PCDHA7: variants seen among roughly 807,000 people sequenced by gnomAD.
The protein encoded by PCDHA7 is protocadherin alpha-7.
A neutral mutation model predicts 57.2 loss-of-function variants in PCDHA7; 37 were observed. That is an observed-to-expected ratio of 0.65 (90% CI 0.50 to 0.85). The LOEUF (loss-of-function observed/expected upper bound fraction) is 0.85, where lower values mean the gene tolerates loss of function less well. Ranked by LOEUF, PCDHA7 falls within the 40% of genes least tolerant of loss-of-function variation. The probability of loss-of-function intolerance (pLI) is 0.00; values close to 1 mark genes in which losing one functional copy is unlikely to be tolerated. For synonymous variants in PCDHA7, 553 were observed against 558.8 expected, an observed-to-expected ratio of 0.99 and a Z score of 0.15; for missense variants, 1,188 against 1,241.8, an observed-to-expected ratio of 0.96 and a Z score of 0.65.
chr5:141,005,737 G>A (rs568489145), intron 3 of PCDHA7, among the ~76,000 whole-genome samples: 173 of 143,620 alleles, frequency 1.2e-3, no homozygotes, highest in African/African-American at 4.5e-3. Flanking sequence ...AAAAAGAATG[G>A]ATGAGAAATC....
At chr5:140,861,734 A>G in intron 1 of PCDHA7, 1 of 190,940 alleles carries the variant, frequency 5.2e-6, no homozygotes, top group Non-Finnish European at 1.1e-5. Flanking sequence ...GATGACTTAC[A>G]TACTGTGCCG....
chr5:140,842,310 T>C (rs2150333905), intron 1 of PCDHA7: 2 of 1,608,760 alleles, frequency 1.2e-6, no homozygotes, highest in Admixed American at 1.7e-5. Flanking sequence ...CATCCTCCCA[T>C]GGCGGGTCAT....
At chr5:140,843,361 G>T in intron 1 of PCDHA7, 1 of 1,596,046 alleles carries the variant, frequency 6.3e-7, no homozygotes, top group South Asian at 1.1e-5. Context: ...AAGCGTCATC[G>T]AGGCAGTCGG....
rs1160767102 is a variant in PCDHA7, at chr5:140,964,322, A to G, written c.2356-14627A>G. On this transcript the variant is annotated intron_variant, in intron 1 of 3. Coordinates refer to ENST00000525929, the MANE Select transcript of PCDHA7 (RefSeq NM_018910.3). ...TACCTACAAGGCCTAAAACAGCATA[A>G]TGGACAACCTGGCAGGTGTCCTTGC... Among the ~76,000 whole-genome samples the G allele has an allele frequency of 2.0e-5, 3 of 152,346 alleles. No individual in the cohort carries two copies. The East Asian group carries it at 5.8e-4, about 29-fold the overall frequency.
intron 1 of PCDHA7, chr5:140,877,884 C>T: frequency 6.8e-7 from 1 of 1,465,050 alleles, no homozygotes; most frequent in Non-Finnish European, 9.0e-7. Context: ...CCTTGAAGAA[C>T]TTCCGTTTAG....
intron 1 of PCDHA7, chr5:140,843,413 G>C: frequency 1.3e-6 from 2 of 1,596,100 alleles, no homozygotes; most frequent in South Asian, 1.1e-5. Context: ...GGATGTCAAC[G>C]TGTACCTGAT....
At chr5:140,874,161 A>G (rs1173333729) in intron 1 of PCDHA7, among the ~76,000 whole-genome samples, 1 of 152,042 alleles carries the variant, frequency 6.6e-6, no homozygotes, top group Non-Finnish European at 1.5e-5. Context: ...ATTCTTGGTT[A>G]CTCTTTCCTG....
chr5:140,978,036 C>T (rs1460377915), intron 1 of PCDHA7, among the ~76,000 whole-genome samples: 22 of 152,268 alleles, frequency 1.4e-4, no homozygotes, highest in Admixed American at 1.4e-3. Context: ...TGATACAAGA[C>T]AGTGATGGTG....
intron 1 of PCDHA7, chr5:140,968,847 A>G (rs781874732): frequency 8.7e-6 from 14 of 1,614,222 alleles, no homozygotes; most frequent in Middle Eastern, 1.6e-4. Context: ...ACTCAGAGGC[A>G]TGTTAAGAGC....
chr5:140,920,387 A>G (rs1163833842), intron 1 of PCDHA7, among the ~76,000 whole-genome samples: 3 of 152,098 alleles, frequency 2.0e-5, no homozygotes, highest in African/African-American at 7.2e-5. Context: ...TCATATTACC[A>G]TCTGGTGTCT....
At chr5:140,911,934 A>G (rs2075691303) in intron 1 of PCDHA7, among the ~76,000 whole-genome samples, 1 of 152,158 alleles carries the variant, frequency 6.6e-6, no homozygotes, top group East Asian at 1.9e-4. Flanking sequence ...AATAGGATAG[A>G]TGTATATATA....
intron 1 of PCDHA7, among the ~76,000 whole-genome samples, chr5:140,889,031 A>C (rs1234867332): frequency 6.6e-6 from 1 of 152,012 alleles, no homozygotes; most frequent in African/African-American, 2.4e-5. Flanking sequence ...GGATAACCGT[A>C]ATTTGATTAT....
At chr5:140,978,835 A>G in intron 1 of PCDHA7, 114 bp from the exon 2 acceptor site, 2 of 1,550,342 alleles carry the variant, frequency 1.3e-6, no homozygotes, top group Non-Finnish European at 1.7e-6. Flanking sequence ...TGGCTCATTC[A>G]ATACTTTTTT....
At chr5:140,844,914 A>G (rs1779618781) in intron 1 of PCDHA7, among the ~76,000 whole-genome samples, 1 of 149,422 alleles carries the variant, frequency 6.7e-6, no homozygotes, top group African/African-American at 2.5e-5. Context: ...AATGGTAGAA[A>G]TTGATGGAAG....
rs994045696 is a variant in PCDHA7 at position 140,859,234 on chromosome 5, T to G, written c.2355+22496T>G. 5 of 142,110 alleles carry G rather than the reference T, an allele frequency of 3.5e-5. 2 individuals carry two copies. The highest frequency in any genetic ancestry group is 8.0e-5 in the Non-Finnish European group (5 of 62,814). The allele number at this position is 142,110 out of a possible 1,614,324, so 8.8% of individuals were successfully genotyped here. A position where few individuals can be genotyped will look rare whatever the true frequency, so the allele number is the denominator to read the frequency against. ...CTCTTTCACTTTAAGGAAGGAGTCA[T>G]GCTTATGTTTAATAATGAAGAGAAT... On this transcript the variant is annotated intron_variant, in intron 1 of 3. Transcript: ENST00000525929.
intron 1 of PCDHA7, chr5:140,871,068 G>GC (rs782196824): frequency 1.2e-6 from 2 of 1,613,112 alleles, no homozygotes; most frequent in African/African-American, 2.7e-5. Flanking sequence ...ATCACGGTGA[G>GC]CCGGCGCTGA....
chr5:140,982,696 A>G lies in PCDHA7; in HGVS notation c.2503+133A>G. ...GTTATTCCCTTTTTTCCATACATAC[A>G]TGATTTCCTTACATATATGATTATT... On this transcript the variant is annotated intron_variant, in intron 3 of 3. Transcript: ENST00000525929. 2.9e-6 allele frequency: 4 copies of G among 1,397,036 alleles called. No individual in the cohort carries two copies. The East Asian group carries it at 7.6e-5, about 27-fold the overall frequency. 86.5% of individuals were successfully genotyped at this position (1,397,036 alleles called of 1,614,324 possible). A position where few individuals can be genotyped will look rare whatever the true frequency, so the allele number is the denominator to read the frequency against.
At chr5:140,946,295 C>T (rs543000779) in intron 1 of PCDHA7, among the ~76,000 whole-genome samples, 2 of 151,940 alleles carry the variant, frequency 1.3e-5, no homozygotes, top group South Asian at 4.1e-4. Context: ...TCACCTCACA[C>T]CTGGTAGAAT....
chr5:140,868,950 C>T, intron 1 of PCDHA7: 2 of 1,308,056 alleles, frequency 1.5e-6, no homozygotes, highest in Admixed American at 5.4e-5. Flanking sequence ...AACAGTGAGG[C>T]ACTCCCATAC....
Sources: gnomAD v4.1 joint callset for allele counts (sites outside exome capture counted in the v4.1 genomes callset) on GRCh38, gnomAD v4.1.1 for gene constraint, MANE v1.5 for transcripts, NCBI Gene and HGNC (gene_info 2026-07-23, HGNC 2026-07-21) for gene names.